Variants in ASB7 observed in about 807,000 individuals in gnomAD.
ASB7 encodes ankyrin repeat and SOCS box protein 7.
In ASB7, 4 loss-of-function variants were observed where a neutral mutation model predicts 32.5. The observed-to-expected ratio is 0.12, with a 90% CI of 0.06 to 0.28. The LOEUF (loss-of-function observed/expected upper bound fraction) is 0.28. ASB7 is among the 10% of genes least tolerant of loss of function. The pLI, the probability that ASB7 is intolerant of heterozygous loss-of-function variation, is 1.00. For synonymous variants in ASB7, 172 were observed against 155.6 expected (o/e 1.11, Z -0.78); for missense variants, 181 against 407.1 (o/e 0.44, Z 4.78).
intron 2 of ASB7, among the ~76,000 whole-genome samples, chr15:100,604,869 A>C (rs905439216): frequency 6.6e-6 from 1 of 152,218 alleles, no homozygotes; most frequent in Non-Finnish European, 1.5e-5. Context: ...CAGAACTTTT[A>C]AAAAATGCTA....
rs11350952 is a variant in ASB7, at chr15:100,611,819, CTT to C, written c.-51-330_-51-329del. 9.2e-3 allele frequency among the ~76,000 whole-genome samples: 1,040 copies of C among 112,870 alleles called. 10 individuals carry two copies. Among genetic ancestry groups the C allele is most frequent in the Non-Finnish European group, 9.7e-3 (537 of 55,424 alleles). 74.0% of individuals were successfully genotyped at this position (112,870 alleles called of 152,430 possible). ...CTTAAGGTTTTAAAATATATTGCTA[CTT>C]TTTTTTTTTTTTTTTTGAGATGGGG... On this transcript the variant is annotated intron_variant, in intron 3 of 5. Coordinates refer to ENST00000332783, the MANE Select transcript of ASB7 (RefSeq NM_198243.3).
intron 5 of ASB7, among the ~76,000 whole-genome samples, chr15:100,635,296 C>A (rs2141403285): frequency 6.6e-6 from 1 of 152,262 alleles, no homozygotes; most frequent in East Asian, 1.9e-4. Flanking sequence ...GTTTTAAATT[C>A]CCCGGCTGGT....
At chr15:100,616,811 AT>A (rs1385134181) in intron 4 of ASB7, among the ~76,000 whole-genome samples, 1 of 152,222 alleles carries the variant, frequency 6.6e-6, no homozygotes, top group African/African-American at 2.4e-5. Flanking sequence ...CCACTTGCTT[AT>A]GGCCACCTGT....
chr15:100,603,212 T>C lies in ASB7; in HGVS notation c.-272-3T>C. 2.6e-6 allele frequency: 1 copy of C among 384,190 alleles called. No individual in the cohort carries two copies. Among genetic ancestry groups the C allele is most frequent in the Non-Finnish European group, 4.6e-6 (1 of 218,026 alleles). The allele number at this position is 384,190 out of a possible 1,614,324, so 23.8% of individuals were successfully genotyped here. On this transcript the variant is annotated splice_polypyrimidine_tract_variant and splice_region_variant and intron_variant, in intron 1 of 5. Transcript: ENST00000332783. ...CACCACTCACTGGTTTCTGTTTTTC[T>C]AGGTTTGAGCTGGCTGAAGAAGACG...
rs115563472 is a variant in ASB7, at chr15:100,629,438, T to C, written c.213T>C (p.Ala71=). 2,026 of 1,603,488 alleles carry C rather than the reference T, an allele frequency of 1.3e-3. 26 individuals are homozygous for C. The African/African-American group carries it at 0.024, about 19-fold the overall frequency. ...RCVRVFLEHG[A]DPTVKDLIGG... Reference sequence around the variant, plus strand: ...CTTTCATTTTGGTTTTAACTCCAGCTGATCCTACAGTTAAAGACTTAATCG... The same window carrying C: ...CTTTCATTTTGGTTTTAACTCCAGCCGATCCTACAGTTAAAGACTTAATCG... Residue 71 remains alanine, a splice_region_variant and synonymous_variant, in exon 5 of 6, where the codon GCT becomes GCC. Transcript: ENST00000332783. This position sits in a 1 kb window ranked among gnomAD's most constrained non-coding sequence, Gnocchi z 6.8.
rs2040016207 is a variant in ASB7 at position 100,649,344 on chromosome 15, A to G, written c.*882A>G. 6.6e-6 allele frequency: 1 copy of G among 152,158 alleles called. No individual in the cohort carries two copies. 9.4% of individuals were successfully genotyped at this position (152,158 alleles called of 1,614,324 possible). A position where few individuals can be genotyped will look rare whatever the true frequency, so the allele number is the denominator to read the frequency against. ...GACAGGAGCCGCCGCTTCAGTTGTCACTGCAGAGCCATCGTATGTCAGTTG... is the reference window on the plus strand; with the variant it reads ...GACAGGAGCCGCCGCTTCAGTTGTCGCTGCAGAGCCATCGTATGTCAGTTG... On this transcript the variant is annotated 3_prime_UTR_variant, in exon 6 of 6. Transcript: ENST00000332783.
At chr15:100,620,363 G>A (rs1454492255) in intron 4 of ASB7, among the ~76,000 whole-genome samples, 1 of 152,108 alleles carries the variant, frequency 6.6e-6, no homozygotes, top group East Asian at 1.9e-4. Flanking sequence ...ACTGTGCTAG[G>A]GAACACGTGG....
Position 100,619,567 on chromosome 15 carries a change from G to A in ASB7, c.211+7140G>A, listed in dbSNP as rs79531826. Among the ~76,000 whole-genome samples the A allele has an allele frequency of 3.8e-3, 573 of 152,332 alleles. 4 individuals are homozygous for A. The highest frequency in any genetic ancestry group is 6.3e-3 in the Non-Finnish European group (430 of 68,042). On this transcript the variant is annotated intron_variant, in intron 4 of 5. Coordinates refer to ENST00000332783, the MANE Select transcript of ASB7 (RefSeq NM_198243.3). ...AATGAAGATTAGTAAAGGAGCAGGA[G>A]GGAAGCTAGCCAGATGCAGTTTAAT...
intron 4 of ASB7, among the ~76,000 whole-genome samples, chr15:100,620,891 G>T (rs1435083696): frequency 1.3e-5 from 2 of 152,162 alleles, no homozygotes; most frequent in African/African-American, 2.4e-5. Context: ...AGCTCCAGAA[G>T]TTAAGTCTAT....
intron 5 of ASB7, among the ~76,000 whole-genome samples, chr15:100,644,005 TG>T (rs1203921934): frequency 6.6e-6 from 1 of 152,106 alleles, no homozygotes; most frequent in East Asian, 1.9e-4. Flanking sequence ...CCCAGCACTT[TG>T]GGAGGCTGAG....
intron 5 of ASB7, among the ~76,000 whole-genome samples, chr15:100,645,019 TG>T (rs890535393): frequency 1.3e-5 from 2 of 152,234 alleles, no homozygotes; most frequent in African/African-American, 4.8e-5. Flanking sequence ...AGTCAGCCTT[TG>T]TCATTTATGA....
chr15:100,619,299 G>A (rs1229546903), intron 4 of ASB7, among the ~76,000 whole-genome samples: 1 of 152,238 alleles, frequency 6.6e-6, no homozygotes, highest in East Asian at 1.9e-4. Flanking sequence ...TGTTCAGTAA[G>A]ATTGGAATAT....
rs560972060 is a variant in ASB7, at chr15:100,606,573, A to G, written c.-173-3134A>G. ...ATAGACTTAACTATGTGAAGCAAGA[A>G]GTTTTGGGTTTAACTAAATGAACTT... On this transcript the variant is annotated intron_variant, in intron 2 of 5. Coordinates refer to ENST00000332783, the MANE Select transcript of ASB7 (RefSeq NM_198243.3). Among the ~76,000 whole-genome samples, 3 of 152,328 alleles carry G rather than the reference A, an allele frequency of 2.0e-5. No homozygotes were observed. The South Asian group carries it at 6.2e-4, about 32-fold the overall frequency.
chr15:100,645,447 A>G (rs570071737), intron 5 of ASB7: 96 of 432,992 alleles, frequency 2.2e-4, no homozygotes, highest in South Asian at 1.9e-3. Context: ...TATCTGTAGG[A>G]ATACAGTTTA....
intron 5 of ASB7, among the ~76,000 whole-genome samples, chr15:100,643,065 A>T (rs2039972238): frequency 6.6e-6 from 1 of 151,990 alleles, no homozygotes; most frequent in Admixed American, 6.6e-5. Flanking sequence ...AACAACAAAA[A>T]AGGCTGGCTC....
intron 5 of ASB7, among the ~76,000 whole-genome samples, chr15:100,630,564 G>A (rs1048865935): frequency 2.6e-5 from 4 of 152,198 alleles, no homozygotes; most frequent in African/African-American, 4.8e-5. Context: ...GATACCACTC[G>A]TGGAAGTTAA....
chr15:100,624,456 TAA>T (rs1226569339), intron 4 of ASB7, among the ~76,000 whole-genome samples: 2 of 152,244 alleles, frequency 1.3e-5, no homozygotes, highest in East Asian at 3.9e-4. Context: ...ATAAAAAATT[TAA>T]AAAGAGTGGA....
At chr15:100,644,923 TCTG>T (rs1159697490) in intron 5 of ASB7, among the ~76,000 whole-genome samples, 1 of 152,236 alleles carries the variant, frequency 6.6e-6, no homozygotes, top group Non-Finnish European at 1.5e-5. Context: ...AGCTGTCACT[TCTG>T]CTGCCATTCT....
intron 4 of ASB7, among the ~76,000 whole-genome samples, chr15:100,628,366 C>G (rs2039857603): frequency 1.3e-5 from 2 of 152,176 alleles, no homozygotes; most frequent in South Asian, 2.1e-4. Context: ...TGAGTTTTCA[C>G]TCACCTGTGG....
Sources: allele counts gnomAD v4.1 joint callset (sites outside exome capture counted in the v4.1 genomes callset), GRCh38; gene constraint gnomAD v4.1.1; non-coding constraint Gnocchi (gnomAD v3.1); transcripts MANE v1.5; gene names NCBI Gene and HGNC (gene_info 2026-07-23, HGNC 2026-07-21).